The following RAB40A variants were observed in gnomAD, a reference collection of about 807,000 sequenced individuals.
The protein encoded by RAB40A is ras-related protein Rab-40A.
For missense variants in RAB40A, 145 were observed against 230.2 expected (o/e 0.63, Z 2.40); for synonymous variants, 65 against 99.9 (o/e 0.65, Z 2.08).
chrX:103,513,381 G>A (rs912181769), intron 2 of RAB40A, among the ~76,000 whole-genome samples: 2 of 111,369 alleles, frequency 1.8e-5, no homozygotes, highest in Non-Finnish European at 3.8e-5. Context: ...CTAACACAGC[G>A]GGATTCAGGG....
intron 2 of RAB40A, chrX:103,503,178 T>C (rs1179909552): frequency 4.8e-5 from 36 of 751,591 alleles, no homozygotes; most frequent in Non-Finnish European, 5.3e-5. Context: ...AATTGATTGA[T>C]AGATGTAAAA....
In RAB40A at chrX:103,499,633, A is replaced by G. The variant is rs1396446658; in HGVS notation, c.*290T>C. 7.5e-6 allele frequency: 3 copies of G among 399,399 alleles called. No individual in the cohort carries two copies. Among genetic ancestry groups the G allele is most frequent in the Non-Finnish European group, 1.3e-5 (3 of 226,192 alleles). The allele number at this position is 399,399 out of a possible 1,213,427, so 32.9% of individuals were successfully genotyped here. A position where few individuals can be genotyped will look rare whatever the true frequency, so the allele number is the denominator to read the frequency against. On this transcript the variant is annotated 3_prime_UTR_variant, in exon 3 of 3. Transcript: ENST00000304236. ...GAAAAAGTTGCAGCGTGATTATGATATAAGTAACATTCAAAATTTCACGTT... is the reference window on the plus strand; with the variant it reads ...GAAAAAGTTGCAGCGTGATTATGATGTAAGTAACATTCAAAATTTCACGTT...
rs113570594 is a variant in RAB40A, at chrX:103,503,572, T to TAA, written c.-70-2748_-70-2747dup. Reference sequence around the variant, plus strand: ...TCACTCTTTGCAAAATGTCCTCCTTTAAAAAAAAAAAAAATGGAGATAGCT... The same window carrying TAA: ...TCACTCTTTGCAAAATGTCCTCCTTTAAAAAAAAAAAAAAAATGGAGATAGCT... On this transcript the variant is annotated intron_variant, in intron 2 of 2. Coordinates refer to ENST00000304236, the MANE Select transcript of RAB40A (RefSeq NM_080879.3). The TAA allele has an allele frequency of 1.1e-3, 576 of 517,233 alleles. 1 individual carries two copies. The highest frequency in any genetic ancestry group is 9.6e-3 in the African/African-American group (337 of 35,135). 42.6% of individuals were successfully genotyped at this position (517,233 alleles called of 1,213,427 possible). A position where few individuals can be genotyped will look rare whatever the true frequency, so the allele number is the denominator to read the frequency against.
chrX:103,504,561 G>A lies in RAB40A; in HGVS notation c.-70-3735C>T, dbSNP rs772935806. ...ATTTTTTGGACAGTCTTGCTCTGAC[G>A]CCCAGGCTGGAGTGCAGTGGTACAA... On this transcript the variant is annotated intron_variant, in intron 2 of 2. Coordinates refer to ENST00000304236, the MANE Select transcript of RAB40A (RefSeq NM_080879.3). Among the ~76,000 whole-genome samples the A allele has an allele frequency of 5.4e-5, 6 of 110,637 alleles. No individual in the cohort carries two copies. The South Asian group carries it at 1.2e-3, about 21-fold the overall frequency.
chrX:103,504,625 G>A (rs1056320733), intron 2 of RAB40A, among the ~76,000 whole-genome samples: 10 of 111,577 alleles, frequency 9.0e-5, no homozygotes, highest in Middle Eastern at 9.3e-3. Context: ...AGGTTCAAGC[G>A]ATTCTCGTGC....
chrX:103,510,279 C>T (rs1371112897), intron 2 of RAB40A, among the ~76,000 whole-genome samples: 1 of 112,074 alleles, frequency 8.9e-6, no homozygotes, highest in Admixed American at 9.5e-5. Flanking sequence ...TCTCTCTGTC[C>T]CTCAGTTTTT....
chrX:103,494,630 A>C (rs925608793), downstream of RAB40A, among the ~76,000 whole-genome samples: 2 of 112,046 alleles, frequency 1.8e-5, no homozygotes, highest in Admixed American at 1.9e-4. Flanking sequence ...GTCTATTTTC[A>C]TTCTTCTGCG....
downstream of RAB40A, among the ~76,000 whole-genome samples, chrX:103,498,653 C>T (rs1234770417): frequency 8.9e-6 from 1 of 111,927 alleles, no homozygotes; most frequent in Non-Finnish European, 1.9e-5. Flanking sequence ...GTGGGAAATT[C>T]ATGAGATAGA....
chrX:103,503,829 G>C (rs1400519677), intron 2 of RAB40A, among the ~76,000 whole-genome samples: 6 of 112,132 alleles, frequency 5.4e-5, no homozygotes, highest in Non-Finnish European at 1.1e-4. Context: ...GCATCTGTGA[G>C]TGTGTATTTG....
chrX:103,496,284 A>G (rs922589110), downstream of RAB40A, among the ~76,000 whole-genome samples: 2 of 112,196 alleles, frequency 1.8e-5, no homozygotes, highest in African/African-American at 6.5e-5. Context: ...TTCTTTGTCA[A>G]TGGAAACACT....
At chrX:103,505,715 CA>C (rs2147583240) in intron 2 of RAB40A, among the ~76,000 whole-genome samples, 1 of 111,572 alleles carries the variant, frequency 9.0e-6, no homozygotes, top group South Asian at 3.7e-4. Flanking sequence ...CTCTGTATTT[CA>C]ATATTTTCTT....
chrX:103,505,734 A>C (rs956082482), intron 2 of RAB40A, among the ~76,000 whole-genome samples: 1 of 111,539 alleles, frequency 9.0e-6, no homozygotes, highest in African/African-American at 3.3e-5. Flanking sequence ...CTTTCTTAAG[A>C]GTATGTTTTG....
chrX:103,502,190 C>T (rs951288369), intron 2 of RAB40A: 2 of 120,493 alleles, frequency 1.7e-5, no homozygotes, highest in Admixed American at 9.7e-5. Flanking sequence ...ACAGAACAAA[C>T]GTGAATAAAG....
At chrX:103,497,549 C>T (rs1383429032), downstream of RAB40A, 1 of 111,843 alleles carries the variant, frequency 8.9e-6, no homozygotes, top group Non-Finnish European at 1.9e-5. Context: ...CTTCAGTGTT[C>T]AGAAGCAGAT....
chrX:103,499,899 G>A lies in RAB40A; in HGVS notation c.*24C>T. On this transcript the variant is annotated 3_prime_UTR_variant, in exon 3 of 3. Transcript: ENST00000304236. ...CAGAGTTTTTCCTGGAGCGATTCCA[G>A]CTTGTTTCCTTTTGGTGCCTTCCTT... 3 of 1,205,906 alleles carry A rather than the reference G, an allele frequency of 2.5e-6. No homozygotes were observed. The highest frequency in any genetic ancestry group is 3.4e-6 in the Non-Finnish European group (3 of 889,989).
chrX:103,514,214 C>T (rs1421000552), intron 2 of RAB40A, among the ~76,000 whole-genome samples: 3 of 111,439 alleles, frequency 2.7e-5, no homozygotes, highest in East Asian at 2.8e-4. Context: ...AGATAAAACA[C>T]GCAACAAAAT....
In RAB40A at chrX:103,499,656, G is replaced by A. The variant is rs1012944663; in HGVS notation, c.*267C>T. The A allele has an allele frequency of 4.5e-5, 19 of 419,441 alleles. No individual in the cohort carries two copies. The highest frequency in any genetic ancestry group is 7.5e-5 in the African/African-American group (3 of 40,034). The allele number at this position is 419,441 out of a possible 1,213,427, so 34.6% of individuals were successfully genotyped here. A position where few individuals can be genotyped will look rare whatever the true frequency, so the allele number is the denominator to read the frequency against. On this transcript the variant is annotated 3_prime_UTR_variant, in exon 3 of 3. Transcript: ENST00000304236. ...ATATAAGTAACATTCAAAATTTCAC[G>A]TTATCAAGAGTTGAGCAAAGTACTA...
downstream of RAB40A, among the ~76,000 whole-genome samples, chrX:103,496,147 A>T (rs2073169551): frequency 8.9e-6 from 1 of 111,973 alleles, no homozygotes; most frequent in Non-Finnish European, 1.9e-5. Flanking sequence ...TGTAGAAGTA[A>T]GTCACTAAGT....
rs138556327 is a variant in RAB40A, at chrX:103,504,634, G to A, written c.-70-3808C>T. Among the ~76,000 whole-genome samples the A allele has an allele frequency of 6.8e-3, 753 of 111,496 alleles. 5 individuals are homozygous for A. The highest frequency in any genetic ancestry group is 0.024 in the African/African-American group (726 of 30,677). ...CCTCCCAGGTTCAAGCGATTCTCGT[G>A]CCTCAGCGTACTGAGTACCTGGGAT... On this transcript the variant is annotated intron_variant, in intron 2 of 2. Coordinates refer to ENST00000304236, the MANE Select transcript of RAB40A (RefSeq NM_080879.3).
Sources: gnomAD v4.1 joint callset for allele counts (sites outside exome capture counted in the v4.1 genomes callset) on GRCh38, gnomAD v4.1.1 for gene constraint, MANE v1.5 for transcripts, NCBI Gene and HGNC (gene_info 2026-07-23, HGNC 2026-07-21) for gene names.